The following KCNK1 variants were observed in gnomAD, a reference collection of about 807,000 sequenced individuals.
KCNK1 encodes potassium two pore domain channel subfamily K member 1.
A neutral mutation model predicts 22.2 loss-of-function variants in KCNK1; 10 were observed. That is an observed-to-expected ratio of 0.45 (90% CI 0.28 to 0.76). KCNK1 has a LOEUF of 0.76. Ranked by LOEUF, KCNK1 falls within the 30% of genes least tolerant of loss-of-function variation. The pLI is 0.14. For synonymous variants in KCNK1, 200 were observed against 186.4 expected, an observed-to-expected ratio of 1.07 and a Z score of -0.60; for missense variants, 378 against 421.0, an observed-to-expected ratio of 0.90 and a Z score of 0.89.
chr1:233,626,442 G>A (rs1657690947), intron 1 of KCNK1, among the ~76,000 whole-genome samples: 1 of 152,166 alleles, frequency 6.6e-6, no homozygotes, highest in Non-Finnish European at 1.5e-5. Context: ...AAACCCTAAT[G>A]GGGCGTGATG....
At chr1:233,624,312 A>T (rs1657647886) in intron 1 of KCNK1, 2 of 152,498 alleles carry the variant, frequency 1.3e-5, no homozygotes, top group African/African-American at 4.8e-5. Flanking sequence ...CACACACAGG[A>T]CTTGGGGCTA....
intron 1 of KCNK1, among the ~76,000 whole-genome samples, chr1:233,663,030 T>G (rs1410273861): frequency 1.3e-5 from 2 of 152,228 alleles, no homozygotes; most frequent in African/African-American, 2.4e-5. Flanking sequence ...TTGAGTAAAT[T>G]ATTCACGACT....
chr1:233,654,087 A>G (rs140479976), intron 1 of KCNK1, among the ~76,000 whole-genome samples: 21 of 152,230 alleles, frequency 1.4e-4, no homozygotes, highest in Non-Finnish European at 3.1e-4. Flanking sequence ...GAAAATACCT[A>G]AGTGATCATG....
intron 1 of KCNK1, among the ~76,000 whole-genome samples, chr1:233,631,103 A>T (rs1657782393): frequency 6.6e-6 from 1 of 152,232 alleles, no homozygotes; most frequent in South Asian, 2.1e-4. Context: ...TTCTGTTCTT[A>T]CATGTTCTGA....
chr1:233,664,762 A>T (rs777533275), intron 1 of KCNK1, among the ~76,000 whole-genome samples: 48 of 152,360 alleles, frequency 3.2e-4, no homozygotes, highest in Non-Finnish European at 6.3e-4. Context: ...CCTTAAGTAT[A>T]AGGCAGAGAA....
rs1657658941 is a variant in KCNK1, at chr1:233,624,926, G to A, written c.355+10400G>A. ...AAATCACTTTTGCCCTCCTGGATGT[G>A]TCAGTCTGGGTTGGGATCGGAGATA... On this transcript the variant is annotated intron_variant, in intron 1 of 2. Coordinates refer to ENST00000366621, the MANE Select transcript of KCNK1 (RefSeq NM_002245.4). Among the ~76,000 whole-genome samples, 3 of 152,200 alleles carry A rather than the reference G, an allele frequency of 2.0e-5. No homozygotes were observed. In the South Asian group the frequency reaches 6.2e-4, roughly 32 times the overall value.
chr1:233,653,673 G>A (rs1658238090), intron 1 of KCNK1, among the ~76,000 whole-genome samples: 1 of 152,132 alleles, frequency 6.6e-6, no homozygotes, highest in African/African-American at 2.4e-5. Flanking sequence ...TGGGAGTTAT[G>A]TCATTGGCCT....
intron 1 of KCNK1, among the ~76,000 whole-genome samples, chr1:233,651,818 C>T (rs1254941973): frequency 2.0e-5 from 3 of 152,156 alleles, no homozygotes; most frequent in East Asian, 1.9e-4. Context: ...GGTGTGAGAA[C>T]GCCAGGACAC....
chr1:233,638,567 C>T (rs951515965), intron 1 of KCNK1, among the ~76,000 whole-genome samples: 2 of 152,154 alleles, frequency 1.3e-5, no homozygotes, highest in East Asian at 1.9e-4. Flanking sequence ...AATCGTTGAC[C>T]GATTGTGGAG....
In KCNK1 at chr1:233,614,271, C is replaced by G. The variant is rs1571885504; in HGVS notation, c.100C>G (p.Leu34Val). The stretch of plus-strand genomic sequence containing the variant: ...CCTGGTGCTGGGCTACTTGCTCTAC[C>G]TGGTCTTCGGCGCAGTGGTCTTCTC... ...GFLVLGYLLY[L>V]VFGAVVFSSV... is the part of the protein sequence containing the mutation. The change falls in exon 1 of 3, where the codon CTG becomes GTG. Residue 34 changes from leucine to valine, a missense_variant. Coordinates refer to ENST00000366621, the MANE Select transcript of KCNK1 (RefSeq NM_002245.4). 1 of 1,613,532 alleles carries G rather than the reference C, an allele frequency of 6.2e-7. No homozygotes were observed. Among genetic ancestry groups the G allele is most frequent in the Non-Finnish European group, 8.5e-7 (1 of 1,179,926 alleles).
intron 1 of KCNK1, chr1:233,662,082 G>T (rs1396117438): frequency 1.3e-5 from 2 of 152,296 alleles, no homozygotes; most frequent in Non-Finnish European, 2.9e-5. Context: ...ACACAGTCCA[G>T]CGGGAAAGAG....
At chr1:233,628,143 G>A (rs1657722071) in intron 1 of KCNK1, among the ~76,000 whole-genome samples, 1 of 152,194 alleles carries the variant, frequency 6.6e-6, no homozygotes, top group African/African-American at 2.4e-5. Flanking sequence ...AGCTAAGGGT[G>A]GTGCCATCTC....
chr1:233,666,947 C>A lies in KCNK1; in HGVS notation c.708C>A (p.Gly236=). The part of the protein sequence containing the change: ...IGLGDYVPGE[G]YNQKFRELYK... ...TGGGGGATTATGTGCCTGGGGAAGG[C>A]TACAATCAAAAATTCAGAGAGCTCT... is the stretch of plus-strand genomic sequence containing the variant. Residue 236 remains glycine (G), a synonymous_variant, in exon 2 of 3, where the codon GGC becomes GGA. Transcript: ENST00000366621. 1 of 1,613,234 alleles carries A rather than the reference C, an allele frequency of 6.2e-7. No homozygotes were observed. Among genetic ancestry groups the A allele is most frequent in the Non-Finnish European group, 8.5e-7 (1 of 1,179,652 alleles).
intron 1 of KCNK1, among the ~76,000 whole-genome samples, chr1:233,641,720 G>T (rs865854838): frequency 1.3e-5 from 2 of 152,116 alleles, no homozygotes; most frequent in Non-Finnish European, 2.9e-5. Flanking sequence ...ACAAAAGATA[G>T]ATTAACAAGA....
rs1658597292 is a variant in KCNK1, at chr1:233,671,488, C to G, written c.969C>G (p.Ala323=). 5.6e-6 allele frequency: 9 copies of G among 1,614,006 alleles called. No homozygotes were observed. Among genetic ancestry groups the G allele is most frequent in the Non-Finnish European group, 7.6e-6 (9 of 1,180,046 alleles). Residue 323 remains alanine, a synonymous_variant, in exon 3 of 3, where the codon GCC becomes GCG. Transcript: ENST00000366621. ...AGAAGCAAAATGAGCCTTTTGTGGC[C>G]ACCCAGTCATCTGCCTGCGTGGATG... ...EDQKQNEPFV[A]TQSSACVDGP...
At chr1:233,646,947 A>G (rs1303806359) in intron 1 of KCNK1, among the ~76,000 whole-genome samples, 2 of 152,164 alleles carry the variant, frequency 1.3e-5, no homozygotes, top group African/African-American at 2.4e-5. Flanking sequence ...AAGCGAGTGC[A>G]TTTTGAGCCT....
Position 233,614,532 on chromosome 1 carries a change from G to T in KCNK1, c.355+6G>T. The T allele has an allele frequency of 1.9e-6, 3 of 1,564,696 alleles. No homozygotes were observed. The highest frequency in any genetic ancestry group is 1.8e-5 in the Admixed American group (1 of 55,980). ...CACCGTGCTCTCCACCACAGGTAGGGTATCCTGCGCGCCCCCTGGCCGCCC... is the reference window on the plus strand; with the variant it reads ...CACCGTGCTCTCCACCACAGGTAGGTTATCCTGCGCGCCCCCTGGCCGCCC... On this transcript the variant is annotated splice_donor_region_variant and intron_variant, in intron 1 of 2. Transcript: ENST00000366621.
At chr1:233,642,584 G>T (rs1270400649) in intron 1 of KCNK1, among the ~76,000 whole-genome samples, 1 of 152,200 alleles carries the variant, frequency 6.6e-6, no homozygotes, top group East Asian at 1.9e-4. Flanking sequence ...GGCTGGACAG[G>T]TGGGCAGGGC....
intron 1 of KCNK1, among the ~76,000 whole-genome samples, chr1:233,650,338 A>C (rs1658177710): frequency 6.6e-6 from 1 of 152,122 alleles, no homozygotes; most frequent in Non-Finnish European, 1.5e-5. Context: ...CACTGTTGTT[A>C]AGTCTTTAAT....
Sources: gnomAD v4.1 joint callset for allele counts (sites outside exome capture counted in the v4.1 genomes callset) on GRCh38, gnomAD v4.1.1 for gene constraint, MANE v1.5 for transcripts, NCBI Gene and HGNC (gene_info 2026-07-23, HGNC 2026-07-21) for gene names.